Variants in SORCS2 observed in about 807,000 individuals in gnomAD.
The protein encoded by SORCS2 is sortilin related VPS10 domain containing receptor 2, also known as VPS10 domain-containing receptor SorCS2.
Under a neutral mutation model 141.6 loss-of-function variants are expected in SORCS2, and 100 were observed. That is an observed-to-expected ratio of 0.71 (90% CI 0.60 to 0.83). The LOEUF is 0.83. SORCS2 is among the 40% of genes least tolerant of loss of function. SORCS2 has a pLI of 0.00. For synonymous variants in SORCS2, 789 were observed against 676.9 expected, an observed-to-expected ratio of 1.17 and a Z score of -2.57; for missense variants, 1,646 against 1,560.2, an observed-to-expected ratio of 1.05 and a Z score of -0.93.
intron 1 of SORCS2, among the ~76,000 whole-genome samples, chr4:7,262,089 G>A (rs1577333095): frequency 1.3e-5 from 2 of 152,112 alleles, no homozygotes; most frequent in African/African-American, 4.8e-5. Flanking sequence ...CATTCATACA[G>A]GGGGAAGATA....
At chr4:7,660,798 G>A (rs938670227) in intron 5 of SORCS2, among the ~76,000 whole-genome samples, 1 of 152,194 alleles carries the variant, frequency 6.6e-6, no homozygotes, top group African/African-American at 2.4e-5. Flanking sequence ...GTCGAGTGAT[G>A]GGGTAGGGGG....
intron 3 of SORCS2, among the ~76,000 whole-genome samples, chr4:7,552,124 A>G (rs1278594964): frequency 6.6e-6 from 1 of 152,188 alleles, no homozygotes; most frequent in Non-Finnish European, 1.5e-5. Context: ...TGCATCCTCC[A>G]AAGTCCTGCT....
intron 1 of SORCS2, among the ~76,000 whole-genome samples, chr4:7,348,621 G>A (rs748481030): frequency 1.6e-4 from 25 of 152,112 alleles, no homozygotes; most frequent in Non-Finnish European, 3.4e-4. Context: ...GCGCAATCTC[G>A]GCTCACTGCA....
chr4:7,682,921 C>A, intron 10 of SORCS2, 32 bp downstream of exon 10: 1 of 1,602,948 alleles, frequency 6.2e-7, no homozygotes, highest in Non-Finnish European at 8.5e-7. Flanking sequence ...ACACACCATC[C>A]TTGGCGTGGA....
intron 25 of SORCS2, 37 bp from the exon 26 acceptor site, chr4:7,737,032 C>G (rs2148903756): frequency 6.5e-7 from 1 of 1,548,980 alleles, no homozygotes; most frequent in Admixed American, 2.0e-5. Context: ...CCTGGGAAGC[C>G]CCTCCAAGCT....
intron 2 of SORCS2, chr4:7,433,026 C>T (rs1004864823): frequency 7.3e-6 from 2 of 272,822 alleles, no homozygotes; most frequent in Non-Finnish European, 1.4e-5. Context: ...CATGGGACCA[C>T]CGGCAACATC....
intron 1 of SORCS2, among the ~76,000 whole-genome samples, chr4:7,307,621 T>A (rs1346300789): frequency 6.6e-6 from 1 of 152,260 alleles, no homozygotes; most frequent in East Asian, 1.9e-4. Context: ...GGTCATCATT[T>A]CTGGCATTTG....
intron 1 of SORCS2, among the ~76,000 whole-genome samples, chr4:7,342,444 C>T (rs767007211): frequency 4.6e-5 from 7 of 152,228 alleles, no homozygotes; most frequent in Admixed American, 1.3e-4. Context: ...ATTCCACAGC[C>T]GGCCCTGGTG....
At chr4:7,225,298 A>G (rs925109600) in intron 1 of SORCS2, among the ~76,000 whole-genome samples, 4 of 152,174 alleles carry the variant, frequency 2.6e-5, no homozygotes, top group Non-Finnish European at 4.4e-5. Context: ...TGGACTGTGA[A>G]CTGTGAGCGA....
chr4:7,375,047 G>A (rs1261484236), intron 1 of SORCS2, among the ~76,000 whole-genome samples: 2 of 152,312 alleles, frequency 1.3e-5, no homozygotes, highest in East Asian at 1.9e-4. Context: ...GCATAGTGAC[G>A]AGGGTGTGGA....
At position 7,741,015 on chromosome 4, in the gene SORCS2, C is replaced by T. The variant is rs148059882; in HGVS notation, c.*751C>T. The T allele has an allele frequency of 2.8e-3, 1,101 of 398,712 alleles. 12 individuals are homozygous for T. The highest frequency in any genetic ancestry group is 0.02 in the African/African-American group (976 of 48,724). 24.7% of individuals were successfully genotyped at this position (398,712 alleles called of 1,614,324 possible). On this transcript the variant is annotated 3_prime_UTR_variant, in exon 27 of 27. Coordinates refer to ENST00000507866, the MANE Select transcript of SORCS2 (RefSeq NM_020777.3). ...TCTCCCCAGGGCAGACGGGGTAGGG[C>T]GGGCTCAGGACCCAGTGCCCATGGT...
At chr4:7,396,472 C>T in intron 2 of SORCS2, 117 bp downstream of exon 2, 1 of 977,444 alleles carries the variant, frequency 1.0e-6, no homozygotes, top group South Asian at 1.6e-5. Context: ...GAGTCAGTGG[C>T]CTCGCAACTT....
chr4:7,592,685 C>A (rs903594168), intron 3 of SORCS2, among the ~76,000 whole-genome samples: 5 of 152,238 alleles, frequency 3.3e-5, no homozygotes, highest in Admixed American at 6.5e-5. Context: ...TGCCAACCCA[C>A]TATGGACAAA....
intron 1 of SORCS2, among the ~76,000 whole-genome samples, chr4:7,346,182 C>T (rs1160765727): frequency 3.9e-5 from 6 of 152,066 alleles, no homozygotes; most frequent in South Asian, 2.1e-4. Context: ...TTAATACCAG[C>T]GTTTAAAGCT....
At position 7,581,830 on chromosome 4, in the gene SORCS2, C is replaced by G. The variant is rs1186248589; in HGVS notation, c.648+50201C>G. On this transcript the variant is annotated intron_variant, in intron 3 of 26. Transcript: ENST00000507866. ...TGCCCCAGTGCTTGCTCATTAGAGACAACTAAAATATCAAAAAGCAGGTTA... is the reference window on the plus strand; with the variant it reads ...TGCCCCAGTGCTTGCTCATTAGAGAGAACTAAAATATCAAAAAGCAGGTTA... 2.0e-5 allele frequency among the ~76,000 whole-genome samples: 3 copies of G among 152,328 alleles called. No homozygotes were observed. In the East Asian group the frequency reaches 5.8e-4, roughly 29 times the overall value.
chr4:7,618,939 G>A (rs182616856), intron 3 of SORCS2, among the ~76,000 whole-genome samples: 36 of 152,256 alleles, frequency 2.4e-4, no homozygotes, highest in Admixed American at 6.5e-4. Context: ...TGCACAGTGC[G>A]GGGGAGACTG....
intron 12 of SORCS2, among the ~76,000 whole-genome samples, chr4:7,702,080 C>T (rs1989948): frequency 0.7 from 106,166 of 152,086 alleles, 37,365 homozygotes; most frequent in Admixed American, 0.74. Flanking sequence ...CTCATGTGGA[C>T]TTGTCCACGG....
At chr4:7,615,315 G>A (rs1334401831) in intron 3 of SORCS2, among the ~76,000 whole-genome samples, 1 of 152,254 alleles carries the variant, frequency 6.6e-6, no homozygotes, top group Non-Finnish European at 1.5e-5. Flanking sequence ...TGGACAAGTT[G>A]TGTACTGCAC....
At chr4:7,209,649 A>T (rs942096378) in intron 1 of SORCS2, among the ~76,000 whole-genome samples, 1 of 149,832 alleles carries the variant, frequency 6.7e-6, no homozygotes, top group Non-Finnish European at 1.5e-5. Flanking sequence ...GCAGGTGCTG[A>T]TCTTTGAATT....
Sources: allele counts gnomAD v4.1 joint callset (sites outside exome capture counted in the v4.1 genomes callset), GRCh38; gene constraint gnomAD v4.1.1; transcripts MANE v1.5; gene names NCBI Gene and HGNC (gene_info 2026-07-23, HGNC 2026-07-21).